SHISA6: variants seen among roughly 807,000 people sequenced by gnomAD.
SHISA6 encodes protein shisa-6.
In SHISA6, 22 loss-of-function variants were observed where a neutral mutation model predicts 47.9. The ratio of observed to expected loss-of-function variants is 0.46; its 90% CI spans 0.33 to 0.66. SHISA6 has a LOEUF of 0.66. Ranked by LOEUF, SHISA6 falls within the 30% of genes least tolerant of loss-of-function variation. The probability of loss-of-function intolerance (pLI) is 0.02; values close to 1 mark genes in which losing one functional copy is unlikely to be tolerated. For synonymous variants in SHISA6, 388 were observed against 337.8 expected, an observed-to-expected ratio of 1.15 and a Z score of -1.63; for missense variants, 680 against 764.6, an observed-to-expected ratio of 0.89 and a Z score of 1.30.
intron 2 of SHISA6, among the ~76,000 whole-genome samples, chr17:11,314,485 A>G (rs1490442183): frequency 2.0e-5 from 3 of 151,580 alleles, no homozygotes; most frequent in South Asian, 2.1e-4. Flanking sequence ...GTGAATATAT[A>G]CATGTTCACT....
intron 2 of SHISA6, among the ~76,000 whole-genome samples, chr17:11,265,870 G>A (rs1051832568): frequency 6.6e-6 from 1 of 152,104 alleles, no homozygotes; most frequent in Non-Finnish European, 1.5e-5. Context: ...TGTATACCTC[G>A]TCTCTTCTAG....
intron 3 of SHISA6, among the ~76,000 whole-genome samples, chr17:11,437,471 G>A (rs746548798): frequency 2.6e-5 from 4 of 152,164 alleles, no homozygotes; most frequent in Non-Finnish European, 5.9e-5. Context: ...CTACTGTGAC[G>A]AACTTCAGTG....
chr17:11,389,327 C>T (rs1299932019), intron 3 of SHISA6, among the ~76,000 whole-genome samples: 3 of 152,168 alleles, frequency 2.0e-5, no homozygotes, highest in Non-Finnish European at 2.9e-5. Context: ...GCCAGATAAA[C>T]TGCAAGGCTG....
intron 3 of SHISA6, among the ~76,000 whole-genome samples, chr17:11,489,868 C>T (rs1916432439): frequency 6.6e-6 from 1 of 152,174 alleles, no homozygotes; most frequent in Non-Finnish European, 1.5e-5. Context: ...GCAATTCCCC[C>T]CTTCCCCAAC....
chr17:11,311,106 CAAAAAAAA>C (rs71139101), intron 2 of SHISA6, among the ~76,000 whole-genome samples: 26 of 48,556 alleles, frequency 5.4e-4, no homozygotes, highest in Non-Finnish European at 8.2e-4. Flanking sequence ...GACTCCATCT[CAAAAAAAA>C]AAAAAAAAAA....
At chr17:11,261,167 C>G (rs990265637) in intron 1 of SHISA6, among the ~76,000 whole-genome samples, 4 of 152,076 alleles carry the variant, frequency 2.6e-5, no homozygotes, top group Non-Finnish European at 4.4e-5. Context: ...GGGACTCACT[C>G]TTAAGGCCAC....
chr17:11,323,168 T>G (rs2142197709), intron 2 of SHISA6, among the ~76,000 whole-genome samples: 1 of 152,184 alleles, frequency 6.6e-6, no homozygotes, highest in African/African-American at 2.4e-5. Context: ...ACAGGGTGAG[T>G]TCTTTAAATC....
rs191088778 is a variant in SHISA6, at chr17:11,323,799, C to T, written c.800-55615C>T. On this transcript the variant is annotated intron_variant, in intron 2 of 5. Coordinates refer to ENST00000441885, the MANE Select transcript of SHISA6 (RefSeq NM_207386.4). ...ATGACCCCTTTCCTTCCCTTACGCTCCAGGGGCCTCAGCATGGGTATAGTA... is the reference window on the plus strand; with the variant it reads ...ATGACCCCTTTCCTTCCCTTACGCTTCAGGGGCCTCAGCATGGGTATAGTA... 3.4e-3 allele frequency among the ~76,000 whole-genome samples: 517 copies of T among 152,206 alleles called. 1 individual carries two copies. The highest frequency in any genetic ancestry group is 0.01 in the Middle Eastern group (3 of 294).
At chr17:11,301,687 A>G (rs1163081061) in intron 2 of SHISA6, among the ~76,000 whole-genome samples, 1 of 152,178 alleles carries the variant, frequency 6.6e-6, no homozygotes, top group Non-Finnish European at 1.5e-5. Context: ...CGTTCCTGCA[A>G]TCTAGGTGTG....
chr17:11,346,329 G>A (rs1432389369), intron 2 of SHISA6, among the ~76,000 whole-genome samples: 1 of 152,080 alleles, frequency 6.6e-6, no homozygotes, highest in Non-Finnish European at 1.5e-5. Flanking sequence ...ATTCTACTTG[G>A]TTATGGTGTA....
In SHISA6 at chr17:11,241,727, G is replaced by A. The variant is rs868774550; in HGVS notation, c.305G>A (p.Gly102Asp). 6.5e-7 allele frequency: 1 copy of A among 1,542,184 alleles called. No homozygotes were observed. The highest frequency in any genetic ancestry group is 2.4e-5 in the East Asian group (1 of 40,872). The stretch of plus-strand genomic sequence containing the variant: ...TGCTGGGGCTACTACGACGTGAGCG[G>A]CCAGTACGACAAGGAGTTCGAGTGT... ...ETCWGYYDVS[G>D]QYDKEFECNN... is the part of the protein sequence containing the mutation. The change falls in exon 1 of 6, where the codon GGC (glycine) becomes GAC (aspartate). Residue 102 changes from glycine (G) to aspartate (D), a missense_variant. Gly to Asp is a moderately conservative substitution (Grantham distance 94, BLOSUM62 -1). Around this residue, in one of 2 missense-constraint regions of SHISA6, gnomAD observed 559 missense variants for 674.1 expected, o/e 0.83. Coordinates refer to ENST00000441885, the MANE Select transcript of SHISA6 (RefSeq NM_207386.4). The surrounding 1 kb of genome is among the most constrained non-coding windows in gnomAD (Gnocchi z 5.5).
intron 2 of SHISA6, among the ~76,000 whole-genome samples, chr17:11,292,046 G>T (rs1008704851): frequency 6.6e-5 from 10 of 152,090 alleles, no homozygotes; most frequent in Non-Finnish European, 1.2e-4. Flanking sequence ...AAAGTCTACT[G>T]TCTTAGCAGC....
chr17:11,400,112 T>G (rs542163845), intron 3 of SHISA6, among the ~76,000 whole-genome samples: 2 of 152,196 alleles, frequency 1.3e-5, no homozygotes, highest in Non-Finnish European at 2.9e-5. Flanking sequence ...GTTAAACCTC[T>G]ACTATTCTCT....
At chr17:11,531,208 ACT>A (rs1391089938) in intron 3 of SHISA6, among the ~76,000 whole-genome samples, 12 of 130,458 alleles carry the variant, frequency 9.2e-5, no homozygotes, top group Non-Finnish European at 1.5e-4. Flanking sequence ...ACAGGTTACT[ACT>A]CTGTGTGTGT....
intron 3 of SHISA6, among the ~76,000 whole-genome samples, chr17:11,475,624 A>G (rs1038695544): frequency 6.6e-6 from 1 of 152,092 alleles, no homozygotes; most frequent in Admixed American, 6.6e-5. Flanking sequence ...TACCTGGGGT[A>G]TATCCCACTT....
chr17:11,277,403 C>G (rs370891935), intron 2 of SHISA6, among the ~76,000 whole-genome samples: 4 of 151,676 alleles, frequency 2.6e-5, no homozygotes, highest in Admixed American at 6.6e-5. Context: ...GAATGATAAG[C>G]AAATCAATAA....
intron 3 of SHISA6, among the ~76,000 whole-genome samples, chr17:11,542,717 A>G (rs1351316339): frequency 6.6e-6 from 1 of 152,086 alleles, no homozygotes; most frequent in African/African-American, 2.4e-5. Context: ...TCCACATGGA[A>G]CCTTTTGCAG....
chr17:11,486,077 C>T (rs918390228), intron 3 of SHISA6, among the ~76,000 whole-genome samples: 4 of 152,184 alleles, frequency 2.6e-5, no homozygotes, highest in African/African-American at 9.7e-5. Flanking sequence ...ATGGGCCGCT[C>T]TTCATTTCTA....
At chr17:11,444,274 G>A (rs1024936359) in intron 3 of SHISA6, among the ~76,000 whole-genome samples, 9 of 152,102 alleles carry the variant, frequency 5.9e-5, no homozygotes, top group South Asian at 2.1e-4. Flanking sequence ...AGCTGAGATC[G>A]TGTCACTGCA....
Sources: gnomAD v4.1 joint callset for allele counts (sites outside exome capture counted in the v4.1 genomes callset) on GRCh38, gnomAD v4.1.1 for gene constraint, gnomAD v4.1.1 regional missense constraint, Gnocchi (gnomAD v3.1) non-coding constraint, MANE v1.5 for transcripts, NCBI Gene and HGNC (gene_info 2026-07-23, HGNC 2026-07-21) for gene names.